DSCAML1: variants seen among roughly 807,000 people sequenced by gnomAD.
DSCAML1 encodes cell adhesion molecule DSCAML1.
In DSCAML1, 38 loss-of-function variants were observed where a neutral mutation model predicts 200.5. The observed-to-expected ratio is 0.19, with a 90% CI of 0.15 to 0.25. The LOEUF (loss-of-function observed/expected upper bound fraction) is 0.25. Ranked by LOEUF, DSCAML1 falls within the 10% of genes least tolerant of loss-of-function variation. The pLI is 1.00. For synonymous variants in DSCAML1, 1,215 were observed against 1,165.0 expected, an observed-to-expected ratio of 1.04 and a Z score of -0.87; for missense variants, 2,223 against 2,858.8, an observed-to-expected ratio of 0.78 and a Z score of 5.07.
At chr11:117,817,042 A>G in intron 1 of DSCAML1, among the ~76,000 whole-genome samples, 1 of 152,182 alleles carries the variant, frequency 6.6e-6, no homozygotes, top group Non-Finnish European at 1.5e-5. Flanking sequence ...AGCTGCTCAG[A>G]GGCTGGATGG....
chr11:117,533,016 G>A (rs965220989), intron 3 of DSCAML1, among the ~76,000 whole-genome samples: 10 of 151,488 alleles, frequency 6.6e-5, no homozygotes, highest in East Asian at 1.9e-4. Context: ...AGGGCACGCC[G>A]GTAGTCCCAG....
intron 12 of DSCAML1, 125 bp downstream of exon 12, chr11:117,481,838 C>T (rs1592646011): frequency 1.8e-5 from 18 of 1,022,732 alleles, no homozygotes; most frequent in South Asian, 3.0e-5. Flanking sequence ...AGGGGAGGTA[C>T]ATTTTTGGGG....
chr11:117,553,739 A>G (rs11216451), intron 3 of DSCAML1, among the ~76,000 whole-genome samples: 18,677 of 152,268 alleles, frequency 0.12, 1,365 homozygotes, highest in East Asian at 0.2. Flanking sequence ...GCTCCTCAAA[A>G]AAAATGAAAC....
intron 3 of DSCAML1, among the ~76,000 whole-genome samples, chr11:117,586,018 C>T (rs2137471454): frequency 6.6e-6 from 1 of 152,306 alleles, no homozygotes; most frequent in South Asian, 2.1e-4. Context: ...TAAATGTTTG[C>T]TGCTAAAGGC....
chr11:117,800,186 G>A (rs1280296528), upstream of DSCAML1, among the ~76,000 whole-genome samples: 15 of 152,198 alleles, frequency 9.9e-5, no homozygotes, highest in Admixed American at 9.2e-4. Flanking sequence ...GATGTATTTA[G>A]AAGTCTCCTC....
chr11:117,758,111 G>A (rs1298412073), intron 3 of DSCAML1, among the ~76,000 whole-genome samples: 1 of 151,998 alleles, frequency 6.6e-6, no homozygotes, highest in Admixed American at 6.6e-5. Flanking sequence ...GACCAGCCTG[G>A]CCAAGATGGT....
At chr11:117,759,988 C>T (rs2054771809) in intron 3 of DSCAML1, among the ~76,000 whole-genome samples, 1 of 152,176 alleles carries the variant, frequency 6.6e-6, no homozygotes, top group South Asian at 2.1e-4. Flanking sequence ...GAGGGCACTG[C>T]TGAGCACCTG....
intron 8 of DSCAML1, among the ~76,000 whole-genome samples, chr11:117,506,547 CT>C (rs5795089): frequency 0.068 from 6,599 of 96,804 alleles, 96 homozygotes; most frequent in East Asian, 0.1. Context: ...CAAGAGATAA[CT>C]TTTTTTTTTT....
intron 3 of DSCAML1, among the ~76,000 whole-genome samples, chr11:117,575,628 T>C (rs2050918152): frequency 6.6e-6 from 1 of 152,076 alleles, no homozygotes; most frequent in African/African-American, 2.4e-5. Context: ...GTCTTTCAAA[T>C]AGGCAGAGCT....
At chr11:117,749,063 T>C (rs2054560520) in intron 3 of DSCAML1, among the ~76,000 whole-genome samples, 1 of 152,184 alleles carries the variant, frequency 6.6e-6, no homozygotes, top group African/African-American at 2.4e-5. Context: ...GAGGTCTTCC[T>C]TGACTTTCTC....
chr11:117,607,991 C>T (rs1483587173), intron 3 of DSCAML1, among the ~76,000 whole-genome samples: 2 of 152,166 alleles, frequency 1.3e-5, no homozygotes, highest in South Asian at 2.1e-4. Context: ...AGCTTGAGAC[C>T]TCCTCTCTCC....
At chr11:117,676,798 AG>A (rs1409322191) in intron 3 of DSCAML1, among the ~76,000 whole-genome samples, 1 of 152,226 alleles carries the variant, frequency 6.6e-6, no homozygotes, top group Admixed American at 6.5e-5. Context: ...GGGCTCCCAG[AG>A]GGCCCAGTGT....
In DSCAML1 at chr11:117,450,615, A is replaced by AG. The variant is rs762046182; in HGVS notation, c.3641dup (p.Thr1215TyrfsTer114). ...TGCGGATCACCCCGTTGGGCTTGGT[A>AG]GGGGGGAGCCAAGACACAACCACAC... On this transcript the variant is annotated frameshift_variant, in exon 20 of 33. Transcript: ENST00000651296. LOFTEE classifies it high-confidence loss of function. 6.2e-7 allele frequency: 1 copy of AG among 1,614,196 alleles called. No homozygotes were observed. The highest frequency in any genetic ancestry group is 1.7e-5 in the Admixed American group (1 of 60,020).
chr11:117,799,183 G>C (rs1257687650), upstream of DSCAML1, among the ~76,000 whole-genome samples: 2 of 152,078 alleles, frequency 1.3e-5, no homozygotes, highest in Non-Finnish European at 2.9e-5. Context: ...CTTCTACCAT[G>C]CCCCCTCCCT....
intron 3 of DSCAML1, among the ~76,000 whole-genome samples, chr11:117,730,976 G>A (rs2054207024): frequency 6.6e-6 from 1 of 152,192 alleles, no homozygotes; most frequent in African/African-American, 2.4e-5. Context: ...ACAGATTAGT[G>A]TTTGCCTCGG....
chr11:117,648,420 C>T (rs1255285150), intron 3 of DSCAML1, among the ~76,000 whole-genome samples: 1 of 152,218 alleles, frequency 6.6e-6, no homozygotes, highest in African/African-American at 2.4e-5. Flanking sequence ...CACCTCTGCC[C>T]CCCTTGGATC....
chr11:117,436,514 A>ATGTG (rs34000595), intron 26 of DSCAML1, among the ~76,000 whole-genome samples: 28 of 149,250 alleles, frequency 1.9e-4, no homozygotes, highest in South Asian at 2.1e-4. Context: ...CCTTCAATGG[A>ATGTG]TGTGTGTGTG....
intron 3 of DSCAML1, among the ~76,000 whole-genome samples, chr11:117,567,154 A>C (rs1380805931): frequency 2.0e-5 from 3 of 152,360 alleles, no homozygotes; most frequent in East Asian, 3.9e-4. Flanking sequence ...GAATCGCCAC[A>C]CTGACTTCCA....
chr11:117,684,769 T>C (rs977589010), intron 3 of DSCAML1, among the ~76,000 whole-genome samples: 3 of 152,144 alleles, frequency 2.0e-5, no homozygotes, highest in African/African-American at 7.2e-5. Flanking sequence ...GAACATGAGG[T>C]GTTGAGTGGA....
Sources: allele counts gnomAD v4.1 joint callset (sites outside exome capture counted in the v4.1 genomes callset), GRCh38; gene constraint gnomAD v4.1.1; transcripts MANE v1.5; gene names NCBI Gene and HGNC (gene_info 2026-07-23, HGNC 2026-07-21).